INPP5K: variants seen among roughly 807,000 people sequenced by gnomAD.
INPP5K encodes the protein inositol polyphosphate 5-phosphatase K.
A neutral mutation model predicts 53.5 loss-of-function variants in INPP5K; 35 were observed. That is an observed-to-expected ratio of 0.65 (90% CI 0.50 to 0.87). INPP5K has a LOEUF of 0.87. Among genes scored for constraint, INPP5K ranks in the 40% least tolerant of loss-of-function variants. INPP5K has a pLI of 0.00. For missense variants in INPP5K, 550 were observed against 586.2 expected (o/e 0.94, Z 0.64); for synonymous variants, 253 against 232.8 (o/e 1.09, Z -0.79).
rs574506688 is a variant in INPP5K at position 1,501,449 on chromosome 17, T to C, written c.777-3327A>G. ...TATGCCCCTGGGCAAGTGACTTCATTTCTCTAAGCCTCAGTTTCTTCAGCT... is the reference window on the plus strand; with the variant it reads ...TATGCCCCTGGGCAAGTGACTTCATCTCTCTAAGCCTCAGTTTCTTCAGCT... On this transcript the variant is annotated intron_variant, in intron 7 of 11. Transcript: ENST00000421807. 2.0e-5 allele frequency among the ~76,000 whole-genome samples: 3 copies of C among 152,310 alleles called. No homozygotes were observed. In the South Asian group the frequency reaches 6.2e-4, roughly 32 times the overall value.
At chr17:1,507,207 C>T in intron 6 of INPP5K, 118 bp from the exon 7 acceptor site, 1 of 685,424 alleles carries the variant, frequency 1.5e-6, no homozygotes, top group Non-Finnish European at 2.5e-6. Context: ...CAAGCAATGC[C>T]ACTCCAATTC....
intron 3 of INPP5K, among the ~76,000 whole-genome samples, chr17:1,512,158 C>A (rs556627928): frequency 3.9e-5 from 6 of 152,326 alleles, no homozygotes; most frequent in Admixed American, 3.9e-4. Context: ...GCCTCCCAAT[C>A]TCAGTAGGCC....
chr17:1,495,006 C>A lies in INPP5K; in HGVS notation c.*817G>T, dbSNP rs14391. The A allele has an allele frequency of 0.17, 25,324 of 152,264 alleles. 2,209 individuals carry two copies. Among genetic ancestry groups the A allele is most frequent in the Non-Finnish European group, 0.2 (13,354 of 68,030 alleles). The allele number at this position is 152,264 out of a possible 1,614,324, so 9.4% of individuals were successfully genotyped here. ...TGACAAGGGTGGCACAGACGCACCT[C>A]ACCTGCCAAGGACCACCCTGGAAAA... On this transcript the variant is annotated 3_prime_UTR_variant, in exon 12 of 12. Transcript: ENST00000421807.
chr17:1,501,390 TG>T (rs989569162), intron 7 of INPP5K, among the ~76,000 whole-genome samples: 51 of 152,278 alleles, frequency 3.3e-4, no homozygotes, highest in African/African-American at 1.1e-3. Context: ...AGAGACCAGT[TG>T]GGGGAAGGGT....
Position 1,495,767 on chromosome 17 carries a change from A to G in INPP5K, c.*56T>C. 7.4e-7 allele frequency: 1 copy of G among 1,359,458 alleles called. No individual in the cohort carries two copies. Among genetic ancestry groups the G allele is most frequent in the Non-Finnish European group, 1.0e-6 (1 of 957,102 alleles). 84.2% of individuals were successfully genotyped at this position (1,359,458 alleles called of 1,614,324 possible). ...GGCCCCCAGCACTCCCGGCAGTGGA[A>G]AGGCAGAGCTGGCTGCCAGCTCTGG... is the stretch of plus-strand genomic sequence containing the variant. On this transcript the variant is annotated 3_prime_UTR_variant, in exon 12 of 12. Transcript: ENST00000421807.
At position 1,496,348 on chromosome 17, in the gene INPP5K, T is replaced by G; in HGVS notation, c.1156A>C (p.Lys386Gln). The G allele has an allele frequency of 6.4e-7, 1 of 1,563,622 alleles. No individual in the cohort carries two copies. The highest frequency in any genetic ancestry group is 8.7e-7 in the Non-Finnish European group (1 of 1,153,458). The stretch of plus-strand genomic sequence containing the variant: ...TTCAGGTTGTCGCTGCAGGAGACCT[T>G]GCTGTCCCCGACCCAGGCATAGGAC... ...YVSYAWVGDS[K>Q]VSCSDNLNQV... is the part of the protein sequence containing the mutation. Residue 386 changes from lysine (K) to glutamine (Q), a missense_variant, in exon 10 of 12, where the codon AAG becomes CAG. Lys to Gln is a moderately conservative substitution (Grantham distance 53, BLOSUM62 1). Transcript: ENST00000421807.
In INPP5K at chr17:1,509,089, C is replaced by G. The variant is rs1239830450; in HGVS notation, c.554+89G>C. The G allele has an allele frequency of 5.5e-6, 6 of 1,099,346 alleles. No homozygotes were observed. The African/African-American group carries it at 1.2e-4, about 22-fold the overall frequency. 68.1% of individuals were successfully genotyped at this position (1,099,346 alleles called of 1,614,324 possible). A position where few individuals can be genotyped will look rare whatever the true frequency, so the allele number is the denominator to read the frequency against. On this transcript the variant is annotated intron_variant, in intron 5 of 11. Transcript: ENST00000421807. ...TCAGCGTGGGGCAGAGGGCGGGGAG[C>G]GGTCTGCAGACCCAGGCTCACTCGT... is the stretch of plus-strand genomic sequence containing the variant.
At chr17:1,499,032 T>C (rs1329890009) in intron 7 of INPP5K, among the ~76,000 whole-genome samples, 1 of 152,206 alleles carries the variant, frequency 6.6e-6, no homozygotes, top group African/African-American at 2.4e-5. Flanking sequence ...CATGTGCTCT[T>C]AACCACCAAA....
At position 1,512,111 on chromosome 17, in the gene INPP5K, G is replaced by A. The variant is rs895478773; in HGVS notation, c.261+1342C>T. 7.2e-5 allele frequency among the ~76,000 whole-genome samples: 11 copies of A among 152,330 alleles called. No individual in the cohort carries two copies. The East Asian group carries it at 2.1e-3, about 29-fold the overall frequency. On this transcript the variant is annotated intron_variant, in intron 3 of 11. Coordinates refer to ENST00000421807, the MANE Select transcript of INPP5K (RefSeq NM_016532.4). Reference sequence around the variant, plus strand: ...CCACCCTGATTCTTGGCTGGGGAAAGAAGGGCATTCATTTTGGGTGCCAGG... The same window carrying A: ...CCACCCTGATTCTTGGCTGGGGAAAAAAGGGCATTCATTTTGGGTGCCAGG...
At chr17:1,507,828 A>C in intron 6 of INPP5K, 1 of 260,162 alleles carries the variant, frequency 3.8e-6, no homozygotes, top group Non-Finnish European at 7.4e-6. Context: ...TACAGGCATA[A>C]GCCACCGTGC....
At chr17:1,511,537 T>C (rs754947699) in intron 3 of INPP5K, among the ~76,000 whole-genome samples, 38 of 152,274 alleles carry the variant, frequency 2.5e-4, no homozygotes, top group Non-Finnish European at 4.6e-4. Flanking sequence ...AGCCCTGGCA[T>C]AGCGGAGTCG....
rs372068677 is a variant in INPP5K, at chr17:1,496,376, G to A, written c.1128C>T (p.Tyr376=). The A allele has an allele frequency of 8.0e-5, 125 of 1,564,674 alleles. 1 individual carries two copies. Among genetic ancestry groups the A allele is most frequent in the South Asian group, 2.3e-4 (20 of 85,192 alleles). ...TGTCCCCGACCCAGGCATAGGACAC[G>A]TAGTCATTAACGTCCCGCAGCCCCA... ...YKVGLRDVND[Y]VSYAWVGDSK... The change falls in exon 10 of 12, where the codon TAC becomes TAT. Residue 376 remains tyrosine (Y), a synonymous_variant. Coordinates refer to ENST00000421807, the MANE Select transcript of INPP5K (RefSeq NM_016532.4).
chr17:1,499,454 C>T (rs992052250), intron 7 of INPP5K, among the ~76,000 whole-genome samples: 16 of 152,062 alleles, frequency 1.1e-4, no homozygotes, highest in African/African-American at 2.4e-4. Context: ...GATCATACCA[C>T]GGCACTCTAG....
At chr17:1,498,174 G>A in intron 7 of INPP5K, 52 bp from the exon 8 acceptor site, 1 of 1,488,844 alleles carries the variant, frequency 6.7e-7, no homozygotes, top group Non-Finnish European at 9.1e-7. Flanking sequence ...AGAAAGGGTT[G>A]GCTAAGAGCA....
intron 7 of INPP5K, among the ~76,000 whole-genome samples, chr17:1,498,410 G>A (rs1411061312): frequency 2.6e-5 from 4 of 152,194 alleles, no homozygotes; most frequent in African/African-American, 7.2e-5. Context: ...TCAAAGCTTT[G>A]CTTCTTTCTT....
chr17:1,511,939 G>A (rs1464373995), intron 3 of INPP5K, among the ~76,000 whole-genome samples: 10 of 152,282 alleles, frequency 6.6e-5, no homozygotes, highest in Admixed American at 5.2e-4. Context: ...GGAAAAGCAG[G>A]AGAGTTCTAG....
intron 7 of INPP5K, among the ~76,000 whole-genome samples, chr17:1,502,336 G>C (rs113939582): frequency 6.6e-6 from 1 of 152,108 alleles, no homozygotes; most frequent in Non-Finnish European, 1.5e-5. Flanking sequence ...GCGACAGAGC[G>C]AGACTCCGTC....
At chr17:1,508,417 G>T in intron 5 of INPP5K, 191 bp from the exon 6 acceptor site, 1 of 583,976 alleles carries the variant, frequency 1.7e-6, no homozygotes, top group Non-Finnish European at 3.1e-6. Context: ...TCAAACCGGA[G>T]AGACCTACCA....
At chr17:1,503,549 T>C (rs113410500) in intron 7 of INPP5K, among the ~76,000 whole-genome samples, 9,173 of 151,922 alleles carry the variant, frequency 0.06, 344 homozygotes, top group African/African-American at 0.1. Context: ...ACCTCATCTC[T>C]ACTAAAAATA....
Sources: gnomAD v4.1 joint callset for allele counts (sites outside exome capture counted in the v4.1 genomes callset) on GRCh38, gnomAD v4.1.1 for gene constraint, MANE v1.5 for transcripts, NCBI Gene and HGNC (gene_info 2026-07-23, HGNC 2026-07-21) for gene names.